The following SNX11 variants were observed in gnomAD, a reference collection of about 807,000 sequenced individuals.
The protein encoded by SNX11 is sorting nexin 11.
Under a neutral mutation model 30.7 loss-of-function variants are expected in SNX11, and 19 were observed. That is an observed-to-expected ratio of 0.62 (90% CI 0.43 to 0.91). The LOEUF is 0.91. Among genes scored for constraint, SNX11 ranks in the 40% least tolerant of loss-of-function variants. The pLI, the probability that SNX11 is intolerant of heterozygous loss-of-function variation, is 0.00. For synonymous variants in SNX11, 112 were observed against 119.0 expected, an observed-to-expected ratio of 0.94 and a Z score of 0.38; for missense variants, 302 against 326.7, an observed-to-expected ratio of 0.92 and a Z score of 0.58.
At chr17:48,110,187 A>C (rs1349640377) in intron 1 of SNX11, among the ~76,000 whole-genome samples, 1 of 152,100 alleles carries the variant, frequency 6.6e-6, no homozygotes, top group South Asian at 2.1e-4. Flanking sequence ...TTTTGGTCTC[A>C]GACATTTGAC....
Position 48,121,232 on chromosome 17 carries a change from C to T in SNX11, c.540-3C>T. ...TTCTTTTCCCTTTCCCACTCTTTTC[C>T]AGTTGCTGCTTTCTTCCAAGATCGG... On this transcript the variant is annotated splice_polypyrimidine_tract_variant and splice_region_variant and intron_variant, in intron 6 of 6. Transcript: ENST00000359238. 1 of 1,613,836 alleles carries T rather than the reference C, an allele frequency of 6.2e-7. No homozygotes were observed. Among genetic ancestry groups the T allele is most frequent in the Non-Finnish European group, 8.5e-7 (1 of 1,179,822 alleles).
intron 1 of SNX11, among the ~76,000 whole-genome samples, chr17:48,109,265 CTT>C (rs35219376): frequency 7.1e-6 from 1 of 139,914 alleles, no homozygotes. Context: ...CTGAAACTTT[CTT>C]TTTTTTTTTT....
At chr17:48,112,338 C>T (rs1411236648) in intron 2 of SNX11, 8 of 626,514 alleles carry the variant, frequency 1.3e-5, no homozygotes, top group East Asian at 2.7e-5. Context: ...CAGGCACTTA[C>T]GTCTCTTGTT....
At chr17:48,118,286 A>G (rs911037335) in intron 4 of SNX11, among the ~76,000 whole-genome samples, 3 of 152,124 alleles carry the variant, frequency 2.0e-5, no homozygotes, top group Non-Finnish European at 2.9e-5. Flanking sequence ...ACCCCTTATT[A>G]AAAGCTAATT....
At position 48,118,996 on chromosome 17, in the gene SNX11, C is replaced by T; in HGVS notation, c.349C>T (p.Leu117=). 1 of 1,613,984 alleles carries T rather than the reference C, an allele frequency of 6.2e-7. No homozygotes were observed. The highest frequency in any genetic ancestry group is 8.5e-7 in the Non-Finnish European group (1 of 1,180,010). Residue 117 remains leucine, a synonymous_variant, in exon 6 of 7, where the codon CTG becomes TTG. Coordinates refer to ENST00000359238, the MANE Select transcript of SNX11 (RefSeq NM_013323.3). ...CAGGGTCCTGCAGAGTGTGGTTCTCCTGTCAGACAGCCAGTTGCACCTATT... is the reference window on the plus strand; with the variant it reads ...CAGGGTCCTGCAGAGTGTGGTTCTCTTGTCAGACAGCCAGTTGCACCTATT... The part of the protein sequence containing the change: ...LEKVLQSVVL[L]SDSQLHLFLQ...
Position 48,112,637 on chromosome 17 carries a change from G to A in SNX11, c.106G>A (p.Val36Met), listed in dbSNP as rs777753905. 2.5e-6 allele frequency: 4 copies of A among 1,612,022 alleles called. No individual in the cohort carries two copies. In the South Asian group the frequency reaches 3.3e-5, roughly 13 times the overall value. ...VQNEGSWNSY[V>M]DYKIFLHTNS... ...GAATGAGGGCTCCTGGAACTCTTAT[G>A]TGGATTATAAGATATTCCTCCATGT... The change falls in exon 3 of 7, where the codon GTG becomes ATG. Residue 36 changes from valine (V) to methionine (M), a missense_variant. Coordinates refer to ENST00000359238, the MANE Select transcript of SNX11 (RefSeq NM_013323.3).
In SNX11 at chr17:48,122,000, GA is replaced by G. The variant is rs1227357855; in HGVS notation, c.*493del. Reference sequence around the variant, plus strand: ...GCCTACCTCCTTGCATGGACAGGGGGATGAATATTTACTTTCCCACCTCCTT... The same window carrying G: ...GCCTACCTCCTTGCATGGACAGGGGGTGAATATTTACTTTCCCACCTCCTT... On this transcript the variant is annotated 3_prime_UTR_variant, in exon 7 of 7. Transcript: ENST00000359238. 3 of 156,686 alleles carry G rather than the reference GA, an allele frequency of 1.9e-5. No homozygotes were observed. The highest frequency in any genetic ancestry group is 1.4e-5 in the Non-Finnish European group (1 of 70,076). 9.7% of individuals were successfully genotyped at this position (156,686 alleles called of 1,614,324 possible).
In SNX11 at chr17:48,120,201, GTTTTTTTT is replaced by G. The variant is rs61680588; in HGVS notation, c.540-1018_540-1011del. 2.4e-3 allele frequency among the ~76,000 whole-genome samples: 179 copies of G among 74,266 alleles called. 1 individual carries two copies. Among genetic ancestry groups the G allele is most frequent in the African/African-American group, 0.01 (174 of 17,084 alleles). The allele number at this position is 74,266 out of a possible 152,430, so 48.7% of individuals were successfully genotyped here. A position where few individuals can be genotyped will look rare whatever the true frequency, so the allele number is the denominator to read the frequency against. On this transcript the variant is annotated intron_variant, in intron 6 of 6. Transcript: ENST00000359238. ...TTTATCCATTCACTTGCATTTATCT[GTTTTTTTT>G]TTTTTTTTTTTTTTTGAGACAGAGT... is the stretch of plus-strand genomic sequence containing the variant.
intron 1 of SNX11, chr17:48,111,260 T>A: frequency 3.5e-6 from 1 of 285,042 alleles, no homozygotes; most frequent in Non-Finnish European, 5.3e-6. Context: ...GACTGGTTGT[T>A]AGTGAGACTG....
chr17:48,115,080 G>C lies in SNX11; in HGVS notation c.230+1679G>C, dbSNP rs375418451. Among the ~76,000 whole-genome samples the C allele has an allele frequency of 2.2e-4, 15 of 67,040 alleles. No individual in the cohort carries two copies. The East Asian group carries it at 5.9e-3, about 27-fold the overall frequency. The allele number at this position is 67,040 out of a possible 152,430, so 44.0% of individuals were successfully genotyped here. A position where few individuals can be genotyped will look rare whatever the true frequency, so the allele number is the denominator to read the frequency against. On this transcript the variant is annotated intron_variant, in intron 4 of 6. Coordinates refer to ENST00000359238, the MANE Select transcript of SNX11 (RefSeq NM_013323.3). ...GCCTTTTTTCTTTTTTTTTTTTTTT[G>C]AGACGGAGTCTCACTCTGTTGCCCA...
rs1438506794 is a variant in SNX11, at chr17:48,122,824, A to G, written c.*1316A>G. ...GCGCTGGCAGTATTTCCTTTCATAA[A>G]TCATGAATTTATCAGTGTGGAAATA... is the stretch of plus-strand genomic sequence containing the variant. On this transcript the variant is annotated 3_prime_UTR_variant, in exon 7 of 7. Transcript: ENST00000359238. The G allele has an allele frequency of 6.6e-6, 1 of 152,168 alleles. No individual in the cohort carries two copies. Among genetic ancestry groups the G allele is most frequent in the East Asian group, 1.9e-4 (1 of 5,192 alleles). The allele number at this position is 152,168 out of a possible 1,614,324, so 9.4% of individuals were successfully genotyped here. A position where few individuals can be genotyped will look rare whatever the true frequency, so the allele number is the denominator to read the frequency against.
chr17:48,119,107 T>C lies in SNX11; in HGVS notation c.460T>C (p.Tyr154His), dbSNP rs1319004129. Residue 154 changes from tyrosine (Y) to histidine (H), a missense_variant, in exon 6 of 7, where the codon TAT becomes CAT. Tyr to His is a moderately conservative substitution (Grantham distance 83). Coordinates refer to ENST00000359238, the MANE Select transcript of SNX11 (RefSeq NM_013323.3). ...TMTVSDAILRYAMSNCGWAQE... is the reference protein window; with the variant it reads ...TMTVSDAILRHAMSNCGWAQE... ...GACTGTGTCTGATGCCATTCTTCGA[T>C]ATGCTATGTCAAACTGTGGCTGGGC... is the stretch of plus-strand genomic sequence containing the variant. The C allele has an allele frequency of 1.9e-6, 3 of 1,614,050 alleles. No homozygotes were observed. Among genetic ancestry groups the C allele is most frequent in the African/African-American group, 2.7e-5 (2 of 74,926 alleles).
intron 4 of SNX11, among the ~76,000 whole-genome samples, chr17:48,116,879 T>TTGG (rs2063550814): frequency 6.6e-6 from 1 of 150,604 alleles, no homozygotes; most frequent in East Asian, 2.0e-4. Context: ...TTTTTTTTTT[T>TTGG]GAGATGGAGT....
rs149907000 is a variant in SNX11, at chr17:48,121,347, T to G, written c.652T>G (p.Leu218Val). 3.1e-6 allele frequency: 5 copies of G among 1,614,066 alleles called. No homozygotes were observed. The highest frequency in any genetic ancestry group is 1.1e-5 in the South Asian group (1 of 91,088). Residue 218 changes from leucine to valine, a missense_variant, in exon 7 of 7, where the codon TTG becomes GTG. Physicochemically the swap from Leu to Val is conservative, Grantham distance 32. Transcript: ENST00000359238. ...AGTTGTTGACTCTGAGGTTCCTTCC[T>G]TGGAAAGTCCCACTCTCCCACCCCT... ...APVVDSEVPS[L>V]ESPTLPPLSS...
In SNX11 at chr17:48,113,363, G is replaced by T; in HGVS notation, c.192G>T (p.Val64=). 1 of 1,613,780 alleles carries T rather than the reference G, an allele frequency of 6.2e-7. No homozygotes were observed. The highest frequency in any genetic ancestry group is 8.5e-7 in the Non-Finnish European group (1 of 1,179,834). The change falls in exon 4 of 7, where the codon GTG becomes GTT. Residue 64 remains valine (V), a synonymous_variant. Transcript: ENST00000359238. The part of the protein sequence containing the change: ...SCVRRRYREF[V]WLRKQLQRNA... ...TGCGGCGCCGCTACCGTGAGTTCGT[G>T]TGGCTGAGAAAGCAGCTACAGAGAA... is the stretch of plus-strand genomic sequence containing the variant.
chr17:48,121,397 T>A lies in SNX11; in HGVS notation c.702T>A (p.Phe234Leu). The change falls in exon 7 of 7, where the codon TTT becomes TTA. Residue 234 changes from phenylalanine to leucine, a missense_variant. Phe to Leu is a conservative substitution (Grantham distance 22, BLOSUM62 0). Coordinates refer to ENST00000359238, the MANE Select transcript of SNX11 (RefSeq NM_013323.3). ...PPLSSPLCCD[F>L]GRPKEGTSTL... ...TCTCCTCACCATTATGCTGTGATTT[T>A]GGAAGACCCAAAGAGGGAACCTCCA... 1 of 1,614,230 alleles carries A rather than the reference T, an allele frequency of 6.2e-7. No individual in the cohort carries two copies. Among genetic ancestry groups the A allele is most frequent in the South Asian group, 1.1e-5 (1 of 91,084 alleles).
chr17:48,112,990 G>A (rs1465943526), intron 3 of SNX11: 3 of 289,496 alleles, frequency 1.0e-5, no homozygotes, highest in African/African-American at 6.7e-5. Flanking sequence ...CACCCTCCTT[G>A]GCCTCCCAAA....
At position 48,112,604 on chromosome 17, in the gene SNX11, C is replaced by T. The variant is rs756431818; in HGVS notation, c.73C>T (p.Arg25Ter). 2.9e-5 allele frequency: 46 copies of T among 1,613,422 alleles called. No individual in the cohort carries two copies. The highest frequency in any genetic ancestry group is 1.5e-4 in the Admixed American group (9 of 59,972). Residue 25 changes from arginine (R) to a stop codon, truncating the protein, a stop_gained, in exon 3 of 7, where the codon CGA becomes TGA. Transcript: ENST00000359238. LOFTEE classifies it high-confidence loss of function. ...GATTACAGTGCGTGTTCAGGACCCCCGAGTGCAGAATGAGGGCTCCTGGAA... is the reference window on the plus strand; with the variant it reads ...GATTACAGTGCGTGTTCAGGACCCCTGAGTGCAGAATGAGGGCTCCTGGAA... ...EVITVRVQDPRVQNEGSWNSY... is the reference protein window; with the variant it reads ...EVITVRVQDP
intron 3 of SNX11, chr17:48,112,910 A>AC (rs1268080095): frequency 2.9e-5 from 8 of 274,470 alleles, no homozygotes; most frequent in Admixed American, 4.9e-5. Flanking sequence ...TTGAATATAT[A>AC]TTTTTTTAGT....
Sources: allele counts gnomAD v4.1 joint callset (sites outside exome capture counted in the v4.1 genomes callset), GRCh38; gene constraint gnomAD v4.1.1; transcripts MANE v1.5; gene names NCBI Gene and HGNC (gene_info 2026-07-23, HGNC 2026-07-21).